The following SPMIP2 variants were observed in gnomAD, a reference collection of about 807,000 sequenced individuals.
SPMIP2 encodes the protein protein SPMIP2.
the SPMIP2 span, among the ~76,000 whole-genome samples, chr4:159,056,091 A>C: frequency 5.4e-3 from 826 of 151,996 alleles, 9 homozygotes; most frequent in African/African-American, 0.018. Flanking sequence ...TTCCTTTTTC[A>C]CTCCCAAAGG....
chr4:159,046,655 C>T, the SPMIP2 span, among the ~76,000 whole-genome samples: 5 of 152,372 alleles, frequency 3.3e-5, no homozygotes, highest in African/African-American at 1.2e-4. Flanking sequence ...TCACCGCAAC[C>T]TCCACCTCCC....
the SPMIP2 span, among the ~76,000 whole-genome samples, chr4:159,069,434 T>G: frequency 6.6e-6 from 1 of 152,032 alleles, no homozygotes; most frequent in African/African-American, 2.4e-5. Context: ...CTTGTTTTCT[T>G]TTTTCTTTTT....
chr4:158,901,682 C>T, the SPMIP2 span, among the ~76,000 whole-genome samples: 1 of 151,596 alleles, frequency 6.6e-6, no homozygotes. Context: ...AGGCTTTGTT[C>T]GTTTGTTTTC....
chr4:159,082,465 G>GTGTA, the SPMIP2 span, among the ~76,000 whole-genome samples: 13 of 149,322 alleles, frequency 8.7e-5, no homozygotes, highest in African/African-American at 1.5e-4. Context: ...GTGTGTGTGT[G>GTGTA]TGTGTGTGTG....
At chr4:159,043,791 A>G in the SPMIP2 span, among the ~76,000 whole-genome samples, 1 of 152,160 alleles carries the variant, frequency 6.6e-6, no homozygotes, top group Non-Finnish European at 1.5e-5. Context: ...ACTAAGCACA[A>G]TTTACAGCAG....
At chr4:159,009,401 T>C in the SPMIP2 span, among the ~76,000 whole-genome samples, 1 of 152,206 alleles carries the variant, frequency 6.6e-6, no homozygotes, top group Admixed American at 6.5e-5. Context: ...TGATGCATCA[T>C]GTTTGAGGAC....
At chr4:158,997,359 T>C in the SPMIP2 span, among the ~76,000 whole-genome samples, 1 of 152,074 alleles carries the variant, frequency 6.6e-6, no homozygotes, top group African/African-American at 2.4e-5. Flanking sequence ...GCCTCTGAAG[T>C]AGCTGGGATT....
chr4:159,063,151 T>C, the SPMIP2 span, among the ~76,000 whole-genome samples: 2 of 152,306 alleles, frequency 1.3e-5, no homozygotes, highest in Middle Eastern at 3.4e-3. Flanking sequence ...TTCAATGCTT[T>C]CATTTTAAAG....
At chr4:158,965,474 G>T in the SPMIP2 span, among the ~76,000 whole-genome samples, 46 of 152,116 alleles carry the variant, frequency 3.0e-4, no homozygotes, top group Non-Finnish European at 6.3e-4. Context: ...ACCATCAAGG[G>T]CCTATTTTGC....
At chr4:159,074,934 G>C in the SPMIP2 span, among the ~76,000 whole-genome samples, 1 of 152,172 alleles carries the variant, frequency 6.6e-6, no homozygotes, top group African/African-American at 2.4e-5. Context: ...GCAATTTCTT[G>C]GGGCTGGTAA....
At chr4:159,046,700 G>A in the SPMIP2 span, among the ~76,000 whole-genome samples, 1 of 152,194 alleles carries the variant, frequency 6.6e-6, no homozygotes, top group Non-Finnish European at 1.5e-5. Flanking sequence ...AGCCTCCCAA[G>A]AAGCTGGGAC....
the SPMIP2 span, among the ~76,000 whole-genome samples, chr4:158,944,454 A>G: frequency 2.6e-4 from 39 of 152,120 alleles, no homozygotes; most frequent in African/African-American, 9.4e-4. Context: ...TTACAATCAG[A>G]GTTTGAATTT....
the SPMIP2 span, among the ~76,000 whole-genome samples, chr4:158,956,091 G>A: frequency 1.8e-4 from 27 of 152,160 alleles, no homozygotes; most frequent in East Asian, 4.2e-3. Context: ...ATTCTTCACC[G>A]GCTGCTATAG....
the SPMIP2 span, among the ~76,000 whole-genome samples, chr4:158,995,490 CA>C: frequency 6.6e-6 from 1 of 152,162 alleles, no homozygotes; most frequent in Non-Finnish European, 1.5e-5. Context: ...TCAGTGTGAA[CA>C]AAGGTCATTA....
the SPMIP2 span, among the ~76,000 whole-genome samples, chr4:158,915,620 C>G: frequency 6.6e-6 from 1 of 152,164 alleles, no homozygotes; most frequent in African/African-American, 2.4e-5. Context: ...CACTACTGTC[C>G]TTTCAGAGCC....
chr4:158,957,063 C>T, the SPMIP2 span, among the ~76,000 whole-genome samples: 2 of 151,962 alleles, frequency 1.3e-5, no homozygotes, highest in African/African-American at 2.4e-5. Context: ...TCCCCAGTAA[C>T]TGAGATTACA....
the SPMIP2 span, among the ~76,000 whole-genome samples, chr4:158,974,974 T>A: frequency 6.6e-6 from 1 of 152,344 alleles, no homozygotes; most frequent in East Asian, 1.9e-4. Flanking sequence ...GCATGTTGTT[T>A]ACTGACTTTT....
the SPMIP2 span, among the ~76,000 whole-genome samples, chr4:159,079,997 TTCCATCATC>T: frequency 7.2e-5 from 11 of 152,250 alleles, no homozygotes; most frequent in African/African-American, 2.6e-4. Context: ...TTTTGCTTTA[TTCCATCATC>T]TCCCATTATT....
the SPMIP2 span, among the ~76,000 whole-genome samples, chr4:158,933,184 A>G: frequency 6.6e-6 from 1 of 152,102 alleles, no homozygotes; most frequent in Non-Finnish European, 1.5e-5. Flanking sequence ...TTGTATTTTT[A>G]GTAGAGACAG....
Sources: allele counts gnomAD v4.1 joint callset (sites outside exome capture counted in the v4.1 genomes callset), GRCh38; gene constraint gnomAD v4.1.1; transcripts MANE v1.5; gene names NCBI Gene and HGNC (gene_info 2026-07-23, HGNC 2026-07-21).